Variants in LINGO2 observed in about 807,000 individuals in gnomAD.
The protein encoded by LINGO2 is leucine rich repeat and Ig domain containing 2.
Under a neutral mutation model 30.6 loss-of-function variants are expected in LINGO2, and 14 were observed. The observed-to-expected ratio is 0.46, with a 90% confidence interval of 0.30 to 0.72. LINGO2 has a LOEUF of 0.72. Ranked by LOEUF, LINGO2 falls within the 30% of genes least tolerant of loss-of-function variation. The pLI is 0.07. For synonymous variants in LINGO2, 317 were observed against 288.5 expected, an observed-to-expected ratio of 1.10 and a Z score of -1.00; for missense variants, 729 against 751.7, an observed-to-expected ratio of 0.97 and a Z score of 0.35.
At chr9:28,217,493 C>T (rs1820809295) in intron 4 of LINGO2, among the ~76,000 whole-genome samples, 1 of 152,054 alleles carries the variant, frequency 6.6e-6, no homozygotes, top group Non-Finnish European at 1.5e-5. Flanking sequence ...TACCCTTATG[C>T]ATGACTGTTT....
At chr9:29,044,743 T>G in the LINGO2 span, among the ~76,000 whole-genome samples, 2 of 151,990 alleles carry the variant, frequency 1.3e-5, no homozygotes, top group African/African-American at 4.8e-5. Flanking sequence ...TCCCTCCACA[T>G]TTAAGAGGGA....
intron 2 of LINGO2, among the ~76,000 whole-genome samples, chr9:28,446,332 A>T (rs1361518208): frequency 2.0e-5 from 3 of 152,218 alleles, no homozygotes; most frequent in Non-Finnish European, 4.4e-5. Flanking sequence ...AAGCACATCC[A>T]GTTTATAATA....
chr9:28,827,556 G>C, the LINGO2 span, among the ~76,000 whole-genome samples: 1 of 152,020 alleles, frequency 6.6e-6, no homozygotes, highest in Non-Finnish European at 1.5e-5. Context: ...ACTTAGAATA[G>C]TACTTGACAA....
chr9:28,065,204 AC>A (rs893124900), intron 4 of LINGO2, among the ~76,000 whole-genome samples: 1 of 151,768 alleles, frequency 6.6e-6, no homozygotes, highest in Non-Finnish European at 1.5e-5. Flanking sequence ...AAAAAAAAAA[AC>A]AAAAAAAACA....
At chr9:28,072,176 G>C (rs187013190) in intron 4 of LINGO2, among the ~76,000 whole-genome samples, 1 of 152,112 alleles carries the variant, frequency 6.6e-6, no homozygotes, top group South Asian at 2.1e-4. Context: ...AAAGGGACTC[G>C]CACAACATGT....
chr9:29,148,575 CA>C, the LINGO2 span, among the ~76,000 whole-genome samples: 1 of 152,130 alleles, frequency 6.6e-6, no homozygotes, highest in Non-Finnish European at 1.5e-5. Context: ...CATTTTACAG[CA>C]AATATTTTTA....
chr9:29,061,595 T>C, the LINGO2 span, among the ~76,000 whole-genome samples: 1 of 151,996 alleles, frequency 6.6e-6, no homozygotes, highest in Non-Finnish European at 1.5e-5. Flanking sequence ...AAGACATTCT[T>C]TTCAAAAATG....
At chr9:28,498,643 C>T (rs897307205) in intron 1 of LINGO2, among the ~76,000 whole-genome samples, 16 of 152,118 alleles carry the variant, frequency 1.1e-4, no homozygotes, top group Non-Finnish European at 1.8e-4. Flanking sequence ...CGCTCACACT[C>T]GGTGGGCTGC....
chr9:28,792,049 GTATA>G, the LINGO2 span, among the ~76,000 whole-genome samples: 174 of 149,336 alleles, frequency 1.2e-3, no homozygotes, highest in Non-Finnish European at 2.2e-3. Flanking sequence ...TATATGCAGA[GTATA>G]TATATATATG....
At chr9:28,077,879 G>T (rs2133203752) in intron 4 of LINGO2, among the ~76,000 whole-genome samples, 1 of 149,014 alleles carries the variant, frequency 6.7e-6, no homozygotes, top group East Asian at 1.9e-4. Context: ...TCAGTTACTT[G>T]TCTTTGTGAA....
At chr9:28,954,972 G>C in the LINGO2 span, among the ~76,000 whole-genome samples, 2 of 152,000 alleles carry the variant, frequency 1.3e-5, no homozygotes, top group African/African-American at 4.8e-5. Context: ...GACTCATACC[G>C]AACCAATGTC....
At chr9:28,560,851 T>C (rs957013295) in intron 1 of LINGO2, among the ~76,000 whole-genome samples, 1 of 151,666 alleles carries the variant, frequency 6.6e-6, no homozygotes, top group Non-Finnish European at 1.5e-5. Flanking sequence ...GTGTGTGTGT[T>C]TTTGGTAGAG....
the LINGO2 span, among the ~76,000 whole-genome samples, chr9:28,697,390 T>A: frequency 6.6e-6 from 1 of 152,018 alleles, no homozygotes; most frequent in African/African-American, 2.4e-5. Flanking sequence ...AATTTCACTT[T>A]ACAGAATAAA....
At chr9:28,852,131 A>G in the LINGO2 span, among the ~76,000 whole-genome samples, 1 of 152,000 alleles carries the variant, frequency 6.6e-6, no homozygotes, top group African/African-American at 2.4e-5. Context: ...TGCTGGATCC[A>G]TTTTATTTGT....
intron 1 of LINGO2, among the ~76,000 whole-genome samples, chr9:28,502,863 T>A (rs1819948849): frequency 6.6e-6 from 1 of 152,046 alleles, no homozygotes; most frequent in African/African-American, 2.4e-5. Flanking sequence ...ATCATTTAAG[T>A]GAAGCTCTTC....
chr9:29,120,135 G>C, the LINGO2 span, among the ~76,000 whole-genome samples: 4 of 152,144 alleles, frequency 2.6e-5, no homozygotes, highest in African/African-American at 9.7e-5. Context: ...TTTGAGAAAT[G>C]CCAATATCCA....
exon 6 of LINGO2, chr9:27,949,464 A>G (rs1217572220): frequency 2.5e-6 from 4 of 1,613,952 alleles, no homozygotes; most frequent in Non-Finnish European, 2.5e-6. Flanking sequence ...GGTAAAGTAA[A>G]AAGAAAGGGC....
the LINGO2 span, among the ~76,000 whole-genome samples, chr9:29,146,928 T>C: frequency 1.3e-5 from 2 of 152,130 alleles, no homozygotes; most frequent in African/African-American, 4.8e-5. Context: ...TAAACTCCAG[T>C]GAAAAAGTAT....
chr9:28,780,238 T>C, the LINGO2 span, among the ~76,000 whole-genome samples: 2 of 152,216 alleles, frequency 1.3e-5, no homozygotes, highest in African/African-American at 2.4e-5. Context: ...TACTCGGTCT[T>C]GCTCAAATCC....
Sources: allele counts gnomAD v4.1 joint callset (sites outside exome capture counted in the v4.1 genomes callset), GRCh38; gene constraint gnomAD v4.1.1; transcripts MANE v1.5; gene names NCBI Gene and HGNC (gene_info 2026-07-23, HGNC 2026-07-21).